SRR: variants seen among roughly 807,000 people sequenced by gnomAD.
The protein encoded by SRR is D-serine ammonia-lyase.
SRR carries 19 observed loss-of-function variants against 32.7 expected under a neutral mutation model. The ratio of observed to expected loss-of-function variants is 0.58; its 90% CI spans 0.40 to 0.85. The LOEUF (loss-of-function observed/expected upper bound fraction) is 0.85, where lower values mean the gene tolerates loss of function less well. Among genes scored for constraint, SRR ranks in the 40% least tolerant of loss-of-function variants. The probability of loss-of-function intolerance (pLI) is 0.00; values close to 1 mark genes in which losing one functional copy is unlikely to be tolerated. For missense variants in SRR, 373 were observed against 404.7 expected (o/e 0.92, Z 0.67); for synonymous variants, 142 against 140.9 (o/e 1.01, Z -0.06).
chr17:2,314,240 G>A (rs1354000192), intron 1 of SRR, among the ~76,000 whole-genome samples: 3 of 151,952 alleles, frequency 2.0e-5, no homozygotes, highest in Non-Finnish European at 2.9e-5. Context: ...ACCTGAGGTC[G>A]GGAGTTCGAG....
chr17:2,318,953 C>T (rs1486296718), intron 4 of SRR, 24 bp downstream of exon 4: 1 of 1,505,960 alleles, frequency 6.6e-7, no homozygotes, highest in Non-Finnish European at 9.2e-7. Flanking sequence ...TGCTTGGTAC[C>T]ACCTTAACAG....
In SRR at chr17:2,323,282, C is replaced by T. The variant is rs745313736; in HGVS notation, c.741C>T (p.Asn247=). 2 of 1,614,156 alleles carry T rather than the reference C, an allele frequency of 1.2e-6. No homozygotes were observed. The highest frequency in any genetic ancestry group is 1.7e-5 in the Admixed American group (1 of 60,022). Residue 247 remains asparagine (N), a synonymous_variant, in exon 7 of 8, where the codon AAC becomes AAT. Transcript: ENST00000344595. ...ADGVKSSIGL[N]TWPIIRDLVD... ...GTGTCAAATCCAGCATTGGCTTGAA[C>T]ACCTGGCCTATTATCAGGGACCTTG...
intron 1 of SRR, chr17:2,309,670 T>C (rs1418752917): frequency 1.3e-5 from 2 of 152,666 alleles, no homozygotes; most frequent in Admixed American, 6.5e-5. Context: ...GTTTTATGTA[T>C]GTATGTGTTT....
Position 2,318,849 on chromosome 17 carries a change from C to A in SRR, c.319C>A (p.Pro107Thr). The A allele has an allele frequency of 6.2e-7, 1 of 1,613,332 alleles. No individual in the cohort carries two copies. The highest frequency in any genetic ancestry group is 1.6e-4 in the Middle Eastern group (1 of 6,062). ...LEGIPAYIVVPQTAPDCKKLA... is the reference protein window; with the variant it reads ...LEGIPAYIVVTQTAPDCKKLA... The stretch of plus-strand genomic sequence containing the variant: ...AGGAATTCCTGCTTATATTGTGGTG[C>A]CCCAGACAGCTCCAGACTGTAAAAA... Residue 107 changes from proline to threonine, a missense_variant, in exon 4 of 8, where the codon CCC becomes ACC. By Grantham distance (38) the Pro-to-Thr change is conservative. Coordinates refer to ENST00000344595, the MANE Select transcript of SRR (RefSeq NM_021947.3).
At position 2,324,015 on chromosome 17, in the gene SRR, A is replaced by C; in HGVS notation, c.*142A>C. 1 of 1,170,120 alleles carries C rather than the reference A, an allele frequency of 8.5e-7. No homozygotes were observed. The highest frequency in any genetic ancestry group is 2.4e-5 in the East Asian group (1 of 41,838). 72.5% of individuals were successfully genotyped at this position (1,170,120 alleles called of 1,614,324 possible). A position where few individuals can be genotyped will look rare whatever the true frequency, so the allele number is the denominator to read the frequency against. On this transcript the variant is annotated 3_prime_UTR_variant, in exon 8 of 8. Transcript: ENST00000344595. ...AGATTTAATAGTTTTTTTTGGACTAAGTAGTGGAAAAACTTTTATACTTAA... is the reference window on the plus strand; with the variant it reads ...AGATTTAATAGTTTTTTTTGGACTACGTAGTGGAAAAACTTTTATACTTAA...
upstream of SRR, chr17:2,303,475 G>A: frequency 5.3e-6 from 7 of 1,322,770 alleles, no homozygotes; most frequent in African/African-American, 3.1e-5. Flanking sequence ...ACCCGCGAGA[G>A]AGGTAGGGCA....
At position 2,315,495 on chromosome 17, in the gene SRR, C is replaced by A. The variant is rs115697839; in HGVS notation, c.-4-62C>A. 3.5e-4 allele frequency: 520 copies of A among 1,489,594 alleles called. 1 individual carries two copies. In the African/African-American group the frequency reaches 6.7e-3, roughly 19 times the overall value. The allele number at this position is 1,489,594 out of a possible 1,614,324, so 92.3% of individuals were successfully genotyped here. A position where few individuals can be genotyped will look rare whatever the true frequency, so the allele number is the denominator to read the frequency against. The stretch of plus-strand genomic sequence containing the variant: ...CTATTCTGTTACGTATTTTCAAAAT[C>A]TCTTCAATAAACATACTGTCTCAGA... On this transcript the variant is annotated intron_variant, in intron 1 of 7. Transcript: ENST00000344595.
rs2075564971 is a variant in SRR at position 2,324,776 on chromosome 17, T to C, written c.*903T>C. On this transcript the variant is annotated 3_prime_UTR_variant, in exon 8 of 8. Coordinates refer to ENST00000344595, the MANE Select transcript of SRR (RefSeq NM_021947.3). ...CTCAGAACAACTCTCTTGATGACCA[T>C]TCTGTCTGGATCTACTGACATAAGA... 2 of 1,614,180 alleles carry C rather than the reference T, an allele frequency of 1.2e-6. No homozygotes were observed. The highest frequency in any genetic ancestry group is 4.5e-5 in the East Asian group (2 of 44,892).
At chr17:2,311,073 A>G (rs2075430492) in intron 1 of SRR, among the ~76,000 whole-genome samples, 1 of 146,388 alleles carries the variant, frequency 6.8e-6, no homozygotes, top group African/African-American at 2.6e-5. Context: ...TGGAGACGGG[A>G]TTTTACTATG....
intron 1 of SRR, among the ~76,000 whole-genome samples, chr17:2,308,344 GA>G (rs1285681487): frequency 1.3e-5 from 2 of 152,088 alleles, no homozygotes; most frequent in African/African-American, 4.8e-5. Flanking sequence ...TAAATAGATT[GA>G]AAAGCTCATT....
At chr17:2,311,134 T>C (rs946631488) in intron 1 of SRR, among the ~76,000 whole-genome samples, 2 of 150,194 alleles carry the variant, frequency 1.3e-5, no homozygotes, top group African/African-American at 4.9e-5. Flanking sequence ...AGTGATCCAC[T>C]TGCTTTGGCC....
chr17:2,324,639 C>T lies in SRR; in HGVS notation c.*766C>T. The T allele has an allele frequency of 6.2e-7, 1 of 1,614,012 alleles. No homozygotes were observed. The highest frequency in any genetic ancestry group is 8.5e-7 in the Non-Finnish European group (1 of 1,180,004). On this transcript the variant is annotated 3_prime_UTR_variant, in exon 8 of 8. Coordinates refer to ENST00000344595, the MANE Select transcript of SRR (RefSeq NM_021947.3). ...ATTTACCCACAAAATGTAAACCCAA[C>T]CTTTATACCACAAAGGCAATCAGAT...
At chr17:2,312,916 A>C (rs1369663970) in intron 1 of SRR, among the ~76,000 whole-genome samples, 1 of 152,156 alleles carries the variant, frequency 6.6e-6, no homozygotes, top group African/African-American at 2.4e-5. Context: ...GAGCTATGTA[A>C]ACTTAAAATT....
At chr17:2,322,991 C>T in intron 6 of SRR, 145 bp from the exon 7 acceptor site, 1 of 746,774 alleles carries the variant, frequency 1.3e-6, no homozygotes, top group Admixed American at 2.6e-5. Flanking sequence ...TCTTGAACTC[C>T]TGACCTCAGC....
At chr17:2,307,663 G>A (rs2075401470) in intron 1 of SRR, 1 of 979,182 alleles carries the variant, frequency 1.0e-6, no homozygotes, top group South Asian at 1.3e-5. Flanking sequence ...CGAAACCAAG[G>A]TGGCTATGGC....
chr17:2,324,433 C>T lies in SRR; in HGVS notation c.*560C>T, dbSNP rs1249246636. 1 of 1,610,212 alleles carries T rather than the reference C, an allele frequency of 6.2e-7. No individual in the cohort carries two copies. Among genetic ancestry groups the T allele is most frequent in the Non-Finnish European group, 8.5e-7 (1 of 1,178,308 alleles). ...AAAGTAGAAAATTTTAAAGCAATGA[C>T]TTCCAACCCAACAGTCATTTAGCAA... On this transcript the variant is annotated 3_prime_UTR_variant, in exon 8 of 8. Transcript: ENST00000344595.
upstream of SRR, chr17:2,303,589 C>A: frequency 7.3e-7 from 1 of 1,372,778 alleles, no homozygotes; most frequent in South Asian, 1.6e-5. Context: ...GAGAGGGAGG[C>A]GGGGCGGGCA....
intron 2 of SRR, among the ~76,000 whole-genome samples, chr17:2,317,015 C>G (rs2075479639): frequency 6.6e-6 from 1 of 150,902 alleles, no homozygotes. Flanking sequence ...AGTCACCGCA[C>G]CCAGCCTTGG....
chr17:2,307,063 T>G, intron 1 of SRR: 1 of 1,181,768 alleles, frequency 8.5e-7, no homozygotes, highest in Non-Finnish European at 1.2e-6. Context: ...AGATGCCCAC[T>G]TAACTATGGA....
Sources: gnomAD v4.1 joint callset for allele counts (sites outside exome capture counted in the v4.1 genomes callset) on GRCh38, gnomAD v4.1.1 for gene constraint, MANE v1.5 for transcripts, NCBI Gene and HGNC (gene_info 2026-07-23, HGNC 2026-07-21) for gene names.